PARVA: variants seen among roughly 807,000 people sequenced by gnomAD.
PARVA encodes parvin alpha, also known as alpha-parvin.
A neutral mutation model predicts 52.6 loss-of-function variants in PARVA; 25 were observed. The observed-to-expected ratio is 0.48, with a 90% CI of 0.35 to 0.66. The LOEUF (loss-of-function observed/expected upper bound fraction) is 0.66, where lower values mean the gene tolerates loss of function less well. Ranked by LOEUF, PARVA falls within the 30% of genes least tolerant of loss-of-function variation. PARVA has a pLI of 0.01. For missense variants in PARVA, 373 were observed against 450.9 expected, an observed-to-expected ratio of 0.83 and a Z score of 1.56; for synonymous variants, 185 against 179.1, an observed-to-expected ratio of 1.03 and a Z score of -0.26.
At chr11:12,481,377 A>G (rs1016264318) in intron 4 of PARVA, among the ~76,000 whole-genome samples, 30 of 151,468 alleles carry the variant, frequency 2.0e-4, no homozygotes, top group African/African-American at 6.8e-4. Context: ...AGCTTCGGCC[A>G]TTGGGAGCTC....
At chr11:12,449,067 G>T (rs1940586379) in intron 1 of PARVA, among the ~76,000 whole-genome samples, 1 of 152,096 alleles carries the variant, frequency 6.6e-6, no homozygotes, top group African/African-American at 2.4e-5. Flanking sequence ...GTTTAGGCAT[G>T]ATGTTTGTTT....
chr11:12,449,874 T>C (rs2135013115), intron 1 of PARVA, among the ~76,000 whole-genome samples: 2 of 152,326 alleles, frequency 1.3e-5, no homozygotes, highest in African/African-American at 4.8e-5. Context: ...TGAGCTAGAT[T>C]GTAAGCATAT....
At chr11:12,385,209 G>GCCA (rs1399050887) in intron 1 of PARVA, among the ~76,000 whole-genome samples, 9 of 152,064 alleles carry the variant, frequency 5.9e-5, no homozygotes, top group African/African-American at 2.2e-4. Context: ...CACACCTGTA[G>GCCA]CCCCAGCTAC....
intron 1 of PARVA, among the ~76,000 whole-genome samples, chr11:12,402,303 T>C (rs972735415): frequency 6.6e-6 from 1 of 152,148 alleles, no homozygotes; most frequent in Non-Finnish European, 1.5e-5. Context: ...AAACCATAAC[T>C]GCCAATGTGT....
chr11:12,382,990 G>A (rs974354606), intron 1 of PARVA, among the ~76,000 whole-genome samples: 3 of 152,252 alleles, frequency 2.0e-5, no homozygotes, highest in African/African-American at 7.2e-5. Context: ...GCTTTTTCAG[G>A]TTCTGTAAAT....
chr11:12,448,002 A>AGG (rs1940570815), intron 1 of PARVA, among the ~76,000 whole-genome samples: 1 of 152,252 alleles, frequency 6.6e-6, no homozygotes, highest in Non-Finnish European at 1.5e-5. Context: ...CTGGTACAAA[A>AGG]TAAACCTTCA....
chr11:12,425,795 C>A (rs1237307407), intron 1 of PARVA, among the ~76,000 whole-genome samples: 1 of 152,156 alleles, frequency 6.6e-6, no homozygotes, highest in African/African-American at 2.4e-5. Context: ...ATATGGCAGA[C>A]GTTAAGAAAT....
At chr11:12,413,457 A>G (rs1252874336) in intron 1 of PARVA, among the ~76,000 whole-genome samples, 4 of 152,232 alleles carry the variant, frequency 2.6e-5, no homozygotes, top group African/African-American at 9.6e-5. Flanking sequence ...GTTTTGGGCC[A>G]TGGGCTTCCT....
chr11:12,527,149 A>T (rs564489338), intron 12 of PARVA, among the ~76,000 whole-genome samples: 1 of 152,318 alleles, frequency 6.6e-6, no homozygotes, highest in East Asian at 1.9e-4. Flanking sequence ...AAGATACACT[A>T]AACTTTCCAC....
At position 12,504,774 on chromosome 11, in the gene PARVA, G is replaced by GGGGTGTGT. The variant is rs1554901960; in HGVS notation, c.657+346_657+347insGGTGTGTG. 6.1e-3 allele frequency among the ~76,000 whole-genome samples: 917 copies of GGGGTGTGT among 149,346 alleles called. 2 individuals carry two copies. The highest frequency in any genetic ancestry group is 0.014 in the Middle Eastern group (4 of 286). On this transcript the variant is annotated intron_variant, in intron 6 of 12. Transcript: ENST00000334956. ...ATGGGGTCAGGAGGAAAGGTATGTGGGTGTGTGTGTGTGTGTGTGAGTTTG... is the reference window on the plus strand; with the variant it reads ...ATGGGGTCAGGAGGAAAGGTATGTGGGGGTGTGTGTGTGTGTGTGTGTGTGTGAGTTTG...
chr11:12,418,175 C>T (rs1451474438), intron 1 of PARVA, among the ~76,000 whole-genome samples: 1 of 152,214 alleles, frequency 6.6e-6, no homozygotes, highest in Non-Finnish European at 1.5e-5. Flanking sequence ...CCAAGGGGCC[C>T]AATGAGAGTC....
intron 12 of PARVA, among the ~76,000 whole-genome samples, chr11:12,520,571 T>C (rs1445602984): frequency 6.6e-6 from 1 of 152,238 alleles, no homozygotes; most frequent in Non-Finnish European, 1.5e-5. Context: ...GTATCTGAGA[T>C]GACTTGCTGC....
At chr11:12,408,098 G>T (rs901568514) in intron 1 of PARVA, among the ~76,000 whole-genome samples, 9 of 152,092 alleles carry the variant, frequency 5.9e-5, no homozygotes, top group African/African-American at 2.2e-4. Flanking sequence ...CAGTTCTAAG[G>T]TCTGCACCTT....
chr11:12,475,419 A>C (rs777892401), intron 3 of PARVA, among the ~76,000 whole-genome samples: 1 of 152,168 alleles, frequency 6.6e-6, no homozygotes. Context: ...TCCTTTACTA[A>C]ATGGTGAGCT....
intron 3 of PARVA, among the ~76,000 whole-genome samples, chr11:12,477,386 C>A (rs12289339): frequency 6.6e-6 from 1 of 152,062 alleles, no homozygotes; most frequent in Non-Finnish European, 1.5e-5. Context: ...TGAACCACCA[C>A]GCCCAGCCTA....
chr11:12,534,956 T>C lies in PARVA; in HGVS notation c.*7031T>C, dbSNP rs542224101. Among the ~76,000 whole-genome samples, 10 of 152,252 alleles carry C rather than the reference T, an allele frequency of 6.6e-5. No individual in the cohort carries two copies. Among genetic ancestry groups the C allele is most frequent in the Non-Finnish European group, 1.0e-4 (7 of 68,050 alleles). ...ATGTACACTCTCACTGAACTGGGGA[T>C]GTTTGACTTAAAATGATGGACAATA... On this transcript the variant is annotated 3_prime_UTR_variant, in exon 13 of 13. Transcript: ENST00000334956.
intron 1 of PARVA, among the ~76,000 whole-genome samples, chr11:12,385,244 G>A (rs991678525): frequency 2.6e-5 from 4 of 152,016 alleles, no homozygotes; most frequent in Admixed American, 6.5e-5. Context: ...TGGAAGGAAC[G>A]CTTTAGCCCA....
Position 12,529,416 on chromosome 11 carries a change from C to T in PARVA, c.*1491C>T, listed in dbSNP as rs1473248150. 1 of 152,192 alleles carries T rather than the reference C, an allele frequency of 6.6e-6. No homozygotes were observed. Among genetic ancestry groups the T allele is most frequent in the Non-Finnish European group, 1.5e-5 (1 of 68,046 alleles). The allele number at this position is 152,192 out of a possible 1,614,324, so 9.4% of individuals were successfully genotyped here. ...AGAGATAGAGGTGGGGCTTGTGGTA[C>T]TTAACACTTGTAGCCATCAACTGAC... On this transcript the variant is annotated 3_prime_UTR_variant, in exon 13 of 13. Transcript: ENST00000334956.
intron 1 of PARVA, among the ~76,000 whole-genome samples, chr11:12,417,768 T>C (rs1940087763): frequency 6.6e-6 from 1 of 152,196 alleles, no homozygotes; most frequent in African/African-American, 2.4e-5. Context: ...AAATCCTGTT[T>C]CTGGATCTTT....
Sources: gnomAD v4.1 joint callset for allele counts (sites outside exome capture counted in the v4.1 genomes callset) on GRCh38, gnomAD v4.1.1 for gene constraint, MANE v1.5 for transcripts, NCBI Gene and HGNC (gene_info 2026-07-23, HGNC 2026-07-21) for gene names.